The following MYT1L variants were observed in gnomAD, a reference collection of about 807,000 sequenced individuals.
MYT1L encodes the protein myelin transcription factor 1-like protein.
MYT1L carries 12 observed loss-of-function variants against 126.7 expected under a neutral mutation model. That is an observed-to-expected ratio of 0.09 (90% CI 0.06 to 0.15). The LOEUF (loss-of-function observed/expected upper bound fraction) is 0.15. Among genes scored for constraint, MYT1L ranks in the 10% least tolerant of loss-of-function variants. The probability of loss-of-function intolerance (pLI) is 1.00; values close to 1 mark genes in which losing one functional copy is unlikely to be tolerated. For synonymous variants in MYT1L, 541 were observed against 604.2 expected (o/e 0.90, Z 1.53); for missense variants, 979 against 1,585.2 (o/e 0.62, Z 6.49).
At chr2:1,877,465 T>C (rs1433698120) in intron 18 of MYT1L, among the ~76,000 whole-genome samples, 1 of 152,196 alleles carries the variant, frequency 6.6e-6, no homozygotes, top group Admixed American at 6.5e-5. Context: ...AAAAAGTCAT[T>C]GAAAAACTTC....
intron 2 of MYT1L, among the ~76,000 whole-genome samples, chr2:2,187,021 C>G (rs1435666234): frequency 6.6e-6 from 1 of 152,138 alleles, no homozygotes; most frequent in Admixed American, 6.5e-5. Flanking sequence ...ATGATCGAAA[C>G]TTGGCCTTAA....
At chr2:2,140,433 T>C (rs1295238972) in intron 3 of MYT1L, among the ~76,000 whole-genome samples, 115 of 83,630 alleles carry the variant, frequency 1.4e-3, no homozygotes, top group African/African-American at 6.4e-3. Context: ...TTTCTTTTTC[T>C]TTTTTTTTTT....
chr2:2,203,772 C>T (rs550363312), intron 2 of MYT1L, among the ~76,000 whole-genome samples: 2 of 152,176 alleles, frequency 1.3e-5, no homozygotes, highest in Non-Finnish European at 2.9e-5. Context: ...TTAAAGTTCA[C>T]ATGGAACCAA....
chr2:1,868,749 C>T (rs554926196), intron 18 of MYT1L, among the ~76,000 whole-genome samples: 3 of 152,188 alleles, frequency 2.0e-5, no homozygotes, highest in Admixed American at 6.5e-5. Context: ...TATGGAGACA[C>T]GGTTGCTAGG....
chr2:2,313,401 G>C (rs898391264), intron 1 of MYT1L, among the ~76,000 whole-genome samples: 4 of 152,174 alleles, frequency 2.6e-5, no homozygotes, highest in Admixed American at 2.6e-4. Context: ...CTCTGGAGAG[G>C]AACTGGGGCT....
At chr2:1,898,223 C>T (rs1473874146) in intron 14 of MYT1L, among the ~76,000 whole-genome samples, 1 of 152,158 alleles carries the variant, frequency 6.6e-6, no homozygotes. Flanking sequence ...CAGACAAATG[C>T]AATCACAAGA....
intron 3 of MYT1L, among the ~76,000 whole-genome samples, chr2:2,109,507 G>C (rs567609588): frequency 3.3e-5 from 5 of 151,924 alleles, no homozygotes; most frequent in South Asian, 2.1e-4. Context: ...AAAGTACAAA[G>C]AGAAAGAGGC....
chr2:1,970,017 T>C (rs1434992386), intron 8 of MYT1L, among the ~76,000 whole-genome samples: 1 of 152,244 alleles, frequency 6.6e-6, no homozygotes, highest in Non-Finnish European at 1.5e-5. Context: ...AGCAACGTTA[T>C]GACCAGGGGA....
intron 8 of MYT1L, among the ~76,000 whole-genome samples, chr2:1,975,996 T>A (rs1219606676): frequency 6.6e-6 from 1 of 151,842 alleles, no homozygotes; most frequent in Non-Finnish European, 1.5e-5. Context: ...TTCCAATACA[T>A]CAACACCTCA....
intron 18 of MYT1L, among the ~76,000 whole-genome samples, chr2:1,881,488 AT>A (rs2047544941): frequency 6.6e-6 from 1 of 151,760 alleles, no homozygotes; most frequent in Non-Finnish European, 1.5e-5. Context: ...TCTCCTACTC[AT>A]TATGATAAAA....
chr2:2,107,082 T>G (rs2078845977), intron 3 of MYT1L, among the ~76,000 whole-genome samples: 1 of 152,212 alleles, frequency 6.6e-6, no homozygotes, highest in South Asian at 2.1e-4. Context: ...TATGTCATAT[T>G]GTACAATGCT....
chr2:2,240,690 G>C (rs1482738620), intron 2 of MYT1L, among the ~76,000 whole-genome samples: 6 of 152,178 alleles, frequency 3.9e-5, no homozygotes, highest in Non-Finnish European at 8.8e-5. Context: ...CGCTGACATA[G>C]CGGTGTCCAC....
At chr2:2,310,828 C>A (rs548731151) in intron 1 of MYT1L, among the ~76,000 whole-genome samples, 13 of 152,194 alleles carry the variant, frequency 8.5e-5, no homozygotes, top group Admixed American at 8.5e-4. Flanking sequence ...TTCTTATAAT[C>A]CCTAGCATCT....
At chr2:1,877,474 TC>T (rs2047053988) in intron 18 of MYT1L, among the ~76,000 whole-genome samples, 1 of 152,180 alleles carries the variant, frequency 6.6e-6, no homozygotes, top group Non-Finnish European at 1.5e-5. Flanking sequence ...TTGAAAAACT[TC>T]CTTGCTCGAC....
chr2:2,004,733 T>C (rs1160388685), intron 4 of MYT1L, among the ~76,000 whole-genome samples: 5 of 136,916 alleles, frequency 3.7e-5, no homozygotes, highest in African/African-American at 1.5e-4. Flanking sequence ...CTTTCCTGCG[T>C]GCCTTCTTTC....
chr2:2,255,579 T>A (rs1371534317), intron 2 of MYT1L, among the ~76,000 whole-genome samples: 1 of 152,216 alleles, frequency 6.6e-6, no homozygotes. Context: ...GCAACTGGAT[T>A]TTCAAAATAT....
intron 9 of MYT1L, among the ~76,000 whole-genome samples, chr2:1,939,389 C>G (rs1471333662): frequency 6.6e-6 from 1 of 152,148 alleles, no homozygotes; most frequent in East Asian, 1.9e-4. Flanking sequence ...GGAATGGGAC[C>G]CCCCAGCTTT....
At position 1,998,622 on chromosome 2, in the gene MYT1L, C is replaced by A. The variant is rs2062083155; in HGVS notation, c.-157-1275G>T. On this transcript the variant is annotated intron_variant, in intron 4 of 24. Coordinates refer to ENST00000647738, the MANE Select transcript of MYT1L (RefSeq NM_001303052.2). ...CAAGAACATAATGGTAGATATGAAC[C>A]TCAGAAGGTTAAAAATCCTGATTAG... Among the ~76,000 whole-genome samples the A allele has an allele frequency of 2.0e-5, 3 of 152,228 alleles. No homozygotes were observed. The South Asian group carries it at 6.2e-4, about 32-fold the overall frequency.
intron 2 of MYT1L, among the ~76,000 whole-genome samples, chr2:2,176,606 C>T (rs1481906384): frequency 6.6e-6 from 1 of 151,214 alleles, no homozygotes; most frequent in Non-Finnish European, 1.5e-5. Flanking sequence ...TCAAGTGATT[C>T]TCCTGCTTCA....
Sources: gnomAD v4.1 joint callset for allele counts (sites outside exome capture counted in the v4.1 genomes callset) on GRCh38, gnomAD v4.1.1 for gene constraint, MANE v1.5 for transcripts, NCBI Gene and HGNC (gene_info 2026-07-23, HGNC 2026-07-21) for gene names.